HHAT: variants seen among roughly 807,000 people sequenced by gnomAD.
HHAT encodes the protein protein-cysteine N-palmitoyltransferase HHAT.
A neutral mutation model predicts 70.8 loss-of-function variants in HHAT; 47 were observed. That is an observed-to-expected ratio of 0.66 (90% CI 0.53 to 0.85). The LOEUF is 0.85. HHAT is among the 40% of genes least tolerant of loss of function. The pLI, the probability that HHAT is intolerant of heterozygous loss-of-function variation, is 0.00. For synonymous variants in HHAT, 228 were observed against 247.6 expected (o/e 0.92, Z 0.74); for missense variants, 609 against 604.8 (o/e 1.01, Z -0.07).
At chr1:210,349,112 C>T in intron 2 of HHAT, 46 bp downstream of exon 2, 5 of 1,588,682 alleles carry the variant, frequency 3.1e-6, no homozygotes, top group Non-Finnish European at 4.3e-6. Context: ...AAGGAAACTC[C>T]TGTCAAAAAA....
At chr1:210,431,436 A>G (rs1205856594) in intron 7 of HHAT, among the ~76,000 whole-genome samples, 1 of 151,846 alleles carries the variant, frequency 6.6e-6, no homozygotes, top group Non-Finnish European at 1.5e-5. Context: ...TTGGTCTCCA[A>G]GGACTTTTCC....
chr1:210,389,007 G>A (rs1354250156), intron 4 of HHAT, among the ~76,000 whole-genome samples: 1 of 152,118 alleles, frequency 6.6e-6, no homozygotes, highest in African/African-American at 2.4e-5. Context: ...GGTTCGATTA[G>A]CTTTCTAACC....
At position 210,626,863 on chromosome 1, in the gene HHAT, G is replaced by A. The variant is rs1003833658; in HGVS notation, c.1390+3193G>A. 3.9e-5 allele frequency among the ~76,000 whole-genome samples: 6 copies of A among 152,132 alleles called. No homozygotes were observed. The East Asian group carries it at 1.2e-3, about 29-fold the overall frequency. On this transcript the variant is annotated intron_variant, in intron 11 of 11. Coordinates refer to ENST00000261458, the MANE Select transcript of HHAT (RefSeq NM_018194.6). ...AACTCATCTGACCCCAAAAAGTTTA[G>A]TTAAGGGATTGTCAAACTGTATATG...
intron 10 of HHAT, among the ~76,000 whole-genome samples, chr1:210,602,461 G>A (rs189378406): frequency 6.6e-6 from 1 of 152,248 alleles, no homozygotes; most frequent in African/African-American, 2.4e-5. Context: ...GACTAGCATT[G>A]CAGGCTGGGA....
chr1:210,578,376 C>G (rs941988185), intron 9 of HHAT, among the ~76,000 whole-genome samples: 4 of 152,000 alleles, frequency 2.6e-5, no homozygotes. Context: ...AAATAGAACT[C>G]TTGTACATTG....
intron 6 of HHAT, among the ~76,000 whole-genome samples, chr1:210,411,562 T>C (rs917281538): frequency 6.6e-6 from 1 of 151,694 alleles, no homozygotes; most frequent in African/African-American, 2.4e-5. Flanking sequence ...GAGACCAGCC[T>C]GGGCAACACG....
chr1:210,469,994 T>C (rs11119507), intron 8 of HHAT, among the ~76,000 whole-genome samples: 14,420 of 152,086 alleles, frequency 0.095, 741 homozygotes, highest in African/African-American at 0.12. Flanking sequence ...CCTCCTTTTC[T>C]CCCCACACCT....
intron 3 of HHAT, among the ~76,000 whole-genome samples, chr1:210,386,384 G>T (rs12562511): frequency 0.12 from 17,111 of 147,646 alleles, 1,295 homozygotes; most frequent in East Asian, 0.29. Flanking sequence ...GACTACAGGC[G>T]CCCGCCACTA....
intron 7 of HHAT, among the ~76,000 whole-genome samples, chr1:210,419,925 C>T (rs1489574010): frequency 6.6e-6 from 1 of 152,140 alleles, no homozygotes; most frequent in Non-Finnish European, 1.5e-5. Flanking sequence ...GAAGACACAA[C>T]TCAAAATGGG....
chr1:210,572,756 G>A (rs1656644385), intron 9 of HHAT, among the ~76,000 whole-genome samples: 1 of 152,028 alleles, frequency 6.6e-6, no homozygotes. Context: ...ATGTAGCTGG[G>A]CATGGTGTGT....
rs1321031806 is a variant in HHAT at position 210,652,024 on chromosome 1, A to G, written c.1391-22264A>G. Among the ~76,000 whole-genome samples, 2 of 152,192 alleles carry G rather than the reference A, an allele frequency of 1.3e-5. 1 individual carries two copies. The highest frequency in any genetic ancestry group is 3.9e-4 in the East Asian group (2 of 5,188). ...TGAACTGAAGGAAAGCCTAGCTGTC[A>G]AGAGCTGGAGGAAGTAATTGGAATA... On this transcript the variant is annotated intron_variant, in intron 11 of 11. Coordinates refer to ENST00000261458, the MANE Select transcript of HHAT (RefSeq NM_018194.6).
At chr1:210,565,602 G>A (rs1654529517) in intron 9 of HHAT, among the ~76,000 whole-genome samples, 1 of 152,282 alleles carries the variant, frequency 6.6e-6, no homozygotes, top group East Asian at 1.9e-4. Context: ...AACGATGACA[G>A]TGAGAGAGTT....
chr1:210,512,226 G>C (rs1426339145), intron 8 of HHAT, among the ~76,000 whole-genome samples: 1 of 152,122 alleles, frequency 6.6e-6, no homozygotes, highest in Admixed American at 6.5e-5. Flanking sequence ...CCAGAGATGG[G>C]ACAGGGTTGT....
chr1:210,336,086 T>C (rs1389883111), intron 1 of HHAT, among the ~76,000 whole-genome samples: 1 of 151,970 alleles, frequency 6.6e-6, no homozygotes. Context: ...TTGATGGAGT[T>C]AGTGACTAGG....
At chr1:210,524,267 T>G (rs2095211497) in intron 9 of HHAT, among the ~76,000 whole-genome samples, 1 of 152,134 alleles carries the variant, frequency 6.6e-6, no homozygotes, top group African/African-American at 2.4e-5. Flanking sequence ...TTTTTTTAAA[T>G]GGAAGAACAA....
At chr1:210,556,141 G>T (rs181861526) in intron 9 of HHAT, among the ~76,000 whole-genome samples, 4 of 151,636 alleles carry the variant, frequency 2.6e-5, no homozygotes, top group African/African-American at 9.7e-5. Flanking sequence ...TCTTTTTCTC[G>T]TCTAGTCTCC....
At chr1:210,359,323 C>T (rs2087991368) in intron 2 of HHAT, among the ~76,000 whole-genome samples, 1 of 152,122 alleles carries the variant, frequency 6.6e-6, no homozygotes, top group South Asian at 2.1e-4. Context: ...ACAAATTAGT[C>T]ATAAAATTAG....
intron 7 of HHAT, among the ~76,000 whole-genome samples, chr1:210,438,415 T>C (rs890277501): frequency 6.6e-6 from 1 of 151,798 alleles, no homozygotes; most frequent in African/African-American, 2.4e-5. Flanking sequence ...TGTGCCTCTT[T>C]CTTATGGATG....
intron 8 of HHAT, among the ~76,000 whole-genome samples, chr1:210,489,340 T>C (rs1477320372): frequency 6.6e-6 from 1 of 152,212 alleles, no homozygotes; most frequent in Non-Finnish European, 1.5e-5. Context: ...GAGACAGGGC[T>C]AAGCTGGGAT....
Sources: gnomAD v4.1 joint callset for allele counts (sites outside exome capture counted in the v4.1 genomes callset) on GRCh38, gnomAD v4.1.1 for gene constraint, MANE v1.5 for transcripts, NCBI Gene and HGNC (gene_info 2026-07-23, HGNC 2026-07-21) for gene names.